The following CFAP299 variants were observed in gnomAD, a reference collection of about 807,000 sequenced individuals.
CFAP299 encodes the protein cilia and flagella associated protein 299, also known as cilia- and flagella-associated protein 299.
A neutral mutation model predicts 27.0 loss-of-function variants in CFAP299; 21 were observed. The observed-to-expected ratio is 0.78, with a 90% CI of 0.55 to 1.12. CFAP299 has a LOEUF of 1.12. Ranked by LOEUF, CFAP299 falls within the 50% of genes most tolerant of loss-of-function variation. The probability of loss-of-function intolerance (pLI) is 0.00; values close to 1 mark genes in which losing one functional copy is unlikely to be tolerated. For synonymous variants in CFAP299, 104 were observed against 98.1 expected, an observed-to-expected ratio of 1.06 and a Z score of -0.36; for missense variants, 310 against 276.6, an observed-to-expected ratio of 1.12 and a Z score of -0.86.
At chr4:80,914,275 A>T (rs1015127731) in intron 4 of CFAP299, among the ~76,000 whole-genome samples, 1 of 152,206 alleles carries the variant, frequency 6.6e-6, no homozygotes, top group Non-Finnish European at 1.5e-5. Context: ...TTTTGTTAAC[A>T]CTTTTCATTC....
At position 80,877,284 on chromosome 4, in the gene CFAP299, A is replaced by G. The variant is rs1335530313; in HGVS notation, c.476+7149A>G. Among the ~76,000 whole-genome samples, 6 of 152,172 alleles carry G rather than the reference A, an allele frequency of 3.9e-5. No individual in the cohort carries two copies. The East Asian group carries it at 1.2e-3, about 29-fold the overall frequency. ...ACTCATTTTAGCTTCTCTTTATTCC[A>G]AGCTAAATATTAAGTACTGTCTCTC... On this transcript the variant is annotated intron_variant, in intron 4 of 5. Transcript: ENST00000358105.
At chr4:80,438,060 G>A (rs73829288) in intron 2 of CFAP299, among the ~76,000 whole-genome samples, 29 of 152,172 alleles carry the variant, frequency 1.9e-4, no homozygotes, top group Middle Eastern at 3.4e-3. Context: ...AGCTTGCTGT[G>A]TCATTGGGGA....
Position 80,963,709 on chromosome 4 carries a change from C to T in CFAP299, c.*97C>T. 1 of 680,638 alleles carries T rather than the reference C, an allele frequency of 1.5e-6. No individual in the cohort carries two copies. The highest frequency in any genetic ancestry group is 2.9e-5 in the East Asian group (1 of 34,922). The allele number at this position is 680,638 out of a possible 1,614,324, so 42.2% of individuals were successfully genotyped here. A position where few individuals can be genotyped will look rare whatever the true frequency, so the allele number is the denominator to read the frequency against. On this transcript the variant is annotated 3_prime_UTR_variant, in exon 6 of 6. Coordinates refer to ENST00000358105, the MANE Select transcript of CFAP299 (RefSeq NM_152770.3). Reference sequence around the variant, plus strand: ...ATAAATGAGCCCTGTAGCTGGAAGGCAAATTAGAACAATAAAGTTAATAAA... The same window carrying T: ...ATAAATGAGCCCTGTAGCTGGAAGGTAAATTAGAACAATAAAGTTAATAAA...
intron 3 of CFAP299, among the ~76,000 whole-genome samples, chr4:80,837,458 C>T (rs1336831562): frequency 6.6e-6 from 1 of 152,078 alleles, no homozygotes; most frequent in Non-Finnish European, 1.5e-5. Flanking sequence ...CCGACAGGCC[C>T]TAGTGTATGA....
At position 80,489,477 on chromosome 4, in the gene CFAP299, T is replaced by C. The variant is rs573357245; in HGVS notation, c.243-93616T>C. Among the ~76,000 whole-genome samples the C allele has an allele frequency of 5.9e-4, 90 of 152,308 alleles. 1 individual carries two copies. The highest frequency in any genetic ancestry group is 2.0e-3 in the African/African-American group (84 of 41,568). ...TAGGATCACAGAAGACGAGATAATATGGAAAACAACAAATGCAAATTTAGA... is the reference window on the plus strand; with the variant it reads ...TAGGATCACAGAAGACGAGATAATACGGAAAACAACAAATGCAAATTTAGA... On this transcript the variant is annotated intron_variant, in intron 2 of 5. Coordinates refer to ENST00000358105, the MANE Select transcript of CFAP299 (RefSeq NM_152770.3).
chr4:80,376,052 T>C (rs1371048746), intron 2 of CFAP299, among the ~76,000 whole-genome samples: 2 of 152,230 alleles, frequency 1.3e-5, no homozygotes, highest in Non-Finnish European at 2.9e-5. Context: ...AACATTTTCA[T>C]TACCGCAAAA....
At chr4:80,525,308 G>A (rs2110179815) in intron 2 of CFAP299, among the ~76,000 whole-genome samples, 1 of 152,262 alleles carries the variant, frequency 6.6e-6, no homozygotes. Context: ...GTCGGCCACA[G>A]TGGAAAATTA....
chr4:80,921,326 C>G (rs1482627903), intron 4 of CFAP299, among the ~76,000 whole-genome samples: 4 of 151,970 alleles, frequency 2.6e-5, no homozygotes, highest in African/African-American at 9.7e-5. Flanking sequence ...TAGATATGTT[C>G]AGTGTGTTTT....
At chr4:80,435,917 TG>T (rs1048241042) in intron 2 of CFAP299, among the ~76,000 whole-genome samples, 1 of 152,192 alleles carries the variant, frequency 6.6e-6, no homozygotes, top group African/African-American at 2.4e-5. Flanking sequence ...GTTTATAGGT[TG>T]TCAAACCATG....
chr4:80,405,919 A>G (rs1402394958), intron 2 of CFAP299, among the ~76,000 whole-genome samples: 2 of 152,168 alleles, frequency 1.3e-5, no homozygotes, highest in Non-Finnish European at 2.9e-5. Context: ...AGATACAGCC[A>G]TGACAGTAGT....
chr4:80,681,176 A>G (rs1719813792), intron 3 of CFAP299, among the ~76,000 whole-genome samples: 1 of 152,122 alleles, frequency 6.6e-6, no homozygotes, highest in Non-Finnish European at 1.5e-5. Flanking sequence ...TCCCCCCACT[A>G]ATCCTTGTAA....
At chr4:80,715,499 A>G (rs10516647) in intron 3 of CFAP299, among the ~76,000 whole-genome samples, 2,532 of 152,120 alleles carry the variant, frequency 0.017, 52 homozygotes, top group Admixed American at 0.058. Context: ...TGGTAATAGC[A>G]AACCTTTTAA....
chr4:80,615,853 T>C (rs1003681479), intron 3 of CFAP299, among the ~76,000 whole-genome samples: 2 of 152,180 alleles, frequency 1.3e-5, no homozygotes, highest in Admixed American at 1.3e-4. Context: ...ACATTATTGA[T>C]TGTGGCCCAA....
chr4:80,799,817 A>AT (rs1728247538), intron 3 of CFAP299, among the ~76,000 whole-genome samples: 2 of 36,108 alleles, frequency 5.5e-5, no homozygotes, highest in Admixed American at 1.1e-3. Flanking sequence ...ATAAATATAT[A>AT]TATTATATAT....
chr4:80,444,689 T>G (rs1017763358), intron 2 of CFAP299, among the ~76,000 whole-genome samples: 4 of 152,088 alleles, frequency 2.6e-5, no homozygotes, highest in African/African-American at 9.7e-5. Flanking sequence ...GGGATCTAAT[T>G]AAACTAAAGA....
intron 2 of CFAP299, among the ~76,000 whole-genome samples, chr4:80,429,233 C>G (rs1242483121): frequency 6.6e-6 from 1 of 152,102 alleles, no homozygotes; most frequent in African/African-American, 2.4e-5. Context: ...TCTTTATTAG[C>G]CTTGTTGAAA....
chr4:80,828,251 A>G (rs1730096580), intron 3 of CFAP299, among the ~76,000 whole-genome samples: 1 of 152,080 alleles, frequency 6.6e-6, no homozygotes. Flanking sequence ...CAATTTTGAA[A>G]AAATAAGAAC....
intron 3 of CFAP299, among the ~76,000 whole-genome samples, chr4:80,847,255 G>A (rs1731235548): frequency 6.6e-6 from 1 of 152,176 alleles, no homozygotes. Context: ...ACCAGGCTCT[G>A]GCCCCAGTGG....
intron 3 of CFAP299, among the ~76,000 whole-genome samples, chr4:80,687,059 C>A (rs1720249206): frequency 6.6e-6 from 1 of 152,208 alleles, no homozygotes; most frequent in African/African-American, 2.4e-5. Flanking sequence ...TGAACCCCAG[C>A]TAGACATTCA....
Sources: gnomAD v4.1 joint callset for allele counts (sites outside exome capture counted in the v4.1 genomes callset) on GRCh38, gnomAD v4.1.1 for gene constraint, MANE v1.5 for transcripts, NCBI Gene and HGNC (gene_info 2026-07-23, HGNC 2026-07-21) for gene names.